Variants in CTNNA1 observed in about 807,000 individuals in gnomAD.
CTNNA1 encodes the protein catenin alpha-1.
A neutral mutation model predicts 98.4 loss-of-function variants in CTNNA1; 37 were observed. The observed-to-expected ratio is 0.38, with a 90% CI of 0.29 to 0.49. The LOEUF is 0.49. Among genes scored for constraint, CTNNA1 ranks in the 20% least tolerant of loss-of-function variants. The pLI, the probability that CTNNA1 is intolerant of heterozygous loss-of-function variation, is 0.95. For synonymous variants in CTNNA1, 404 were observed against 413.2 expected (o/e 0.98, Z 0.27); for missense variants, 761 against 1,147.2 (o/e 0.66, Z 4.86).
chr5:138,918,873 A>AC (rs1762347007), intron 11 of CTNNA1, among the ~76,000 whole-genome samples: 1 of 152,166 alleles, frequency 6.6e-6, no homozygotes, highest in African/African-American at 2.4e-5. Context: ...AGAACGTGGC[A>AC]GTAGGGCTTG....
chr5:138,897,660 T>G (rs1757176172), intron 9 of CTNNA1, among the ~76,000 whole-genome samples: 1 of 152,182 alleles, frequency 6.6e-6, no homozygotes, highest in South Asian at 2.1e-4. Context: ...TGACCTTGGA[T>G]TCCAGAATTC....
At chr5:138,817,140 C>T (rs1057215462) in intron 5 of CTNNA1, among the ~76,000 whole-genome samples, 2 of 152,230 alleles carry the variant, frequency 1.3e-5, no homozygotes, top group African/African-American at 2.4e-5. Context: ...TGGCTCTTCA[C>T]TCTGTTGATT....
Position 138,932,288 on chromosome 5 carries a change from C to G in CTNNA1, c.2299-290C>G, listed in dbSNP as rs903927302. ...GGATCCTTGGCCAGGGTGGTTTCCC[C>G]GCCGTCATAGGAGGGAAGTCAGTGG... is the stretch of plus-strand genomic sequence containing the variant. On this transcript the variant is annotated intron_variant, in intron 16 of 17. Transcript: ENST00000302763. 4 of 1,176,350 alleles carry G rather than the reference C, an allele frequency of 3.4e-6. No homozygotes were observed. The African/African-American group carries it at 6.3e-5, about 19-fold the overall frequency. 72.9% of individuals were successfully genotyped at this position (1,176,350 alleles called of 1,614,324 possible).
intron 1 of CTNNA1, among the ~76,000 whole-genome samples, chr5:138,774,224 T>A (rs1753844236): frequency 1.3e-5 from 2 of 152,064 alleles, no homozygotes; most frequent in South Asian, 4.1e-4. Context: ...GAGGTCTCGC[T>A]ATGTTGCCCA....
At chr5:138,923,953 G>A (rs189431509) in intron 11 of CTNNA1, among the ~76,000 whole-genome samples, 7 of 152,324 alleles carry the variant, frequency 4.6e-5, no homozygotes, top group African/African-American at 1.7e-4. Context: ...ACCATGAAGA[G>A]GGTTATTAAA....
chr5:138,904,716 G>C, intron 10 of CTNNA1: 1 of 314,742 alleles, frequency 3.2e-6, no homozygotes, highest in Non-Finnish European at 5.9e-6. Context: ...CAGCACTTTG[G>C]GATCCCAAAG....
chr5:138,781,109 T>C (rs1336944288), intron 1 of CTNNA1, among the ~76,000 whole-genome samples: 1 of 152,176 alleles, frequency 6.6e-6, no homozygotes, highest in Non-Finnish European at 1.5e-5. Flanking sequence ...ATTTAAACAT[T>C]ATGTTTTAAT....
At chr5:138,876,273 C>CT in intron 7 of CTNNA1, among the ~76,000 whole-genome samples, 1 of 152,334 alleles carries the variant, frequency 6.6e-6, no homozygotes, top group East Asian at 1.9e-4. Context: ...CATTTGCACC[C>CT]TAGTTCCCAG....
chr5:138,800,930 C>T (rs825746), intron 3 of CTNNA1, among the ~76,000 whole-genome samples: 105,537 of 152,134 alleles, frequency 0.69, 36,740 homozygotes, highest in East Asian at 0.93. Flanking sequence ...TTTTCTTTAC[C>T]TCTTGGTAGT....
chr5:138,805,065 G>C (rs28745570), intron 3 of CTNNA1, among the ~76,000 whole-genome samples: 1,772 of 152,224 alleles, frequency 0.012, 29 homozygotes, highest in African/African-American at 0.041. Flanking sequence ...GAGCAAGAGA[G>C]GGGGTGGGAG....
intron 1 of CTNNA1, chr5:138,754,058 G>C (rs1751326533): frequency 1.3e-5 from 2 of 152,314 alleles, no homozygotes; most frequent in South Asian, 2.1e-4. Flanking sequence ...GGCGAACCGG[G>C]AGGCTGGAGC....
chr5:138,802,024 A>T (rs976819167), intron 3 of CTNNA1, among the ~76,000 whole-genome samples: 2 of 152,212 alleles, frequency 1.3e-5, no homozygotes, highest in Admixed American at 1.3e-4. Flanking sequence ...GAAGATATTC[A>T]TGACAAATAA....
chr5:138,876,208 A>T (rs1421062842), intron 7 of CTNNA1, among the ~76,000 whole-genome samples: 1 of 152,158 alleles, frequency 6.6e-6, no homozygotes, highest in African/African-American at 2.4e-5. Flanking sequence ...CTACTCCATA[A>T]CTAAAAGCCT....
chr5:138,783,697 ATGT>A (rs1755382957), intron 3 of CTNNA1, among the ~76,000 whole-genome samples: 1 of 152,224 alleles, frequency 6.6e-6, no homozygotes, highest in Non-Finnish European at 1.5e-5. Context: ...AGTCTTAGAA[ATGT>A]TGTAACACAA....
chr5:138,875,422 G>C (rs912640103), intron 7 of CTNNA1: 1 of 985,828 alleles, frequency 1.0e-6, no homozygotes, highest in African/African-American at 1.7e-5. Flanking sequence ...TTTTCCAGAA[G>C]CTTTACTGTT....
intron 1 of CTNNA1, among the ~76,000 whole-genome samples, chr5:138,776,039 C>CTTTTTTTTTT (rs57467422): frequency 8.3e-5 from 7 of 83,880 alleles, no homozygotes; most frequent in Non-Finnish European, 1.1e-4. Context: ...GGAAATGTTT[C>CTTTTTTTTTT]TTTTTTTTTT....
intron 3 of CTNNA1, among the ~76,000 whole-genome samples, chr5:138,784,480 A>C (rs183608819): frequency 6.6e-6 from 1 of 152,350 alleles, no homozygotes; most frequent in Non-Finnish European, 1.5e-5. Flanking sequence ...GAATTTGTGA[A>C]CAAATAACCT....
chr5:138,879,608 C>T (rs143499115), intron 7 of CTNNA1, among the ~76,000 whole-genome samples: 85 of 152,224 alleles, frequency 5.6e-4, no homozygotes, highest in Non-Finnish European at 1.0e-3. Context: ...GCACATGCCA[C>T]CATACCCAGC....
In CTNNA1 at chr5:138,807,543, A is replaced by G. The variant is rs1184154215; in HGVS notation, c.302-2495A>G. Among the ~76,000 whole-genome samples the G allele has an allele frequency of 2.0e-5, 3 of 152,152 alleles. No individual in the cohort carries two copies. In the East Asian group the frequency reaches 5.8e-4, roughly 29 times the overall value. ...TACAGCTTGTATGTTAAAATGCCAC[A>G]TAATTTCTTAATGGTCAAATCCATC... On this transcript the variant is annotated intron_variant, in intron 3 of 17. Coordinates refer to ENST00000302763, the MANE Select transcript of CTNNA1 (RefSeq NM_001903.5).
Sources: allele counts gnomAD v4.1 joint callset (sites outside exome capture counted in the v4.1 genomes callset), GRCh38; gene constraint gnomAD v4.1.1; transcripts MANE v1.5; gene names NCBI Gene and HGNC (gene_info 2026-07-23, HGNC 2026-07-21).